The following DHX30 variants were observed in gnomAD, a reference collection of about 807,000 sequenced individuals.
DHX30 encodes the protein DExH-box helicase 30, also known as ATP-dependent RNA helicase DHX30.
DHX30 carries 4 observed loss-of-function variants against 116.9 expected under a neutral mutation model. The ratio of observed to expected loss-of-function variants is 0.03; its 90% confidence interval spans 0.02 to 0.08. The LOEUF (loss-of-function observed/expected upper bound fraction) is 0.08, where lower values mean the gene tolerates loss of function less well. Ranked by LOEUF, DHX30 falls within the 10% of genes least tolerant of loss-of-function variation. The probability of loss-of-function intolerance (pLI) is 1.00; values close to 1 mark genes in which losing one functional copy is unlikely to be tolerated. For synonymous variants in DHX30, 697 were observed against 651.7 expected (o/e 1.07, Z -1.06); for missense variants, 871 against 1,595.1 (o/e 0.55, Z 7.73).
At chr3:47,819,195 C>CTT in intron 4 of DHX30, 3 of 1,205,174 alleles carry the variant, frequency 2.5e-6, no homozygotes, top group Non-Finnish European at 3.4e-6. Flanking sequence ...GTTGATTGCC[C>CTT]TTTTTTTTTT....
Position 47,841,049 on chromosome 3 carries a change from G to A in DHX30, c.539G>A (p.Gly180Asp), listed in dbSNP as rs781494016. The change falls in exon 7 of 22, where the codon GGC becomes GAC. Residue 180 changes from glycine to aspartate, a missense_variant. Gly to Asp is a moderately conservative substitution (Grantham distance 94). Transcript: ENST00000445061. ...PESIRPGGPG[G>D]LSRSLGREEE... ...AGTATTCGACCAGGGGGACCTGGGG[G>A]CCTATCCCGCTCTTTAGGCCGGGAA... The A allele has an allele frequency of 1.2e-6, 2 of 1,614,042 alleles. No homozygotes were observed. Among genetic ancestry groups the A allele is most frequent in the African/African-American group, 2.7e-5 (2 of 74,930 alleles).
At chr3:47,815,723 CAAAAAAAAAAAA>C (rs11349970) in intron 3 of DHX30, among the ~76,000 whole-genome samples, 63 of 20,766 alleles carry the variant, frequency 3.0e-3, no homozygotes, top group Non-Finnish European at 4.5e-3. Context: ...TAAAAAAGAG[CAAAAAAAAAAAA>C]AAAAAAAAAA....
chr3:47,816,603 G>C, intron 3 of DHX30: 1 of 982,898 alleles, frequency 1.0e-6, no homozygotes, highest in Non-Finnish European at 1.2e-6. Flanking sequence ...TGATCCGCTG[G>C]CCTCAGCCTC....
intron 5 of DHX30, among the ~76,000 whole-genome samples, chr3:47,828,085 C>T (rs1173198451): frequency 2.0e-5 from 3 of 151,864 alleles, no homozygotes; most frequent in African/African-American, 7.3e-5. Flanking sequence ...GTCTCAAACC[C>T]CTTGGTTCAA....
At position 47,848,353 on chromosome 3, in the gene DHX30, G is replaced by A. The variant is rs759723696; in HGVS notation, c.2460G>A (p.Val820=). The change falls in exon 15 of 22, where the codon GTG becomes GTA. Residue 820 remains valine, a synonymous_variant. Coordinates refer to ENST00000445061, the MANE Select transcript of DHX30 (RefSeq NM_138615.3). This position sits in a 1 kb window ranked among gnomAD's most constrained non-coding sequence, Gnocchi z 9.4. ...EILRTPLENL[V]LQAKIHMPEK... is the part of the protein sequence containing the mutation. ...TGCGCACACCTCTTGAGAACCTGGTGCTGCAAGCGAAAATCCACATGCCTG... is the reference window on the plus strand; with the variant it reads ...TGCGCACACCTCTTGAGAACCTGGTACTGCAAGCGAAAATCCACATGCCTG... 1 of 1,614,146 alleles carries A rather than the reference G, an allele frequency of 6.2e-7. No homozygotes were observed. The highest frequency in any genetic ancestry group is 8.5e-7 in the Non-Finnish European group (1 of 1,180,034).
intron 9 of DHX30, among the ~76,000 whole-genome samples, chr3:47,844,451 G>A (rs1450356564): frequency 2.0e-5 from 3 of 152,210 alleles, no homozygotes; most frequent in Non-Finnish European, 4.4e-5. Flanking sequence ...GTGGCTGGAG[G>A]GCCATTTGTC....
intron 3 of DHX30, among the ~76,000 whole-genome samples, chr3:47,812,419 G>A (rs1167723323): frequency 3.3e-5 from 5 of 151,040 alleles, no homozygotes; most frequent in African/African-American, 1.2e-4. Flanking sequence ...TTAGCTAGGC[G>A]TGGTGGTGTG....
At chr3:47,849,796 C>G in intron 21 of DHX30, 27 bp downstream of exon 21, 4 of 1,607,954 alleles carry the variant, frequency 2.5e-6, no homozygotes, top group Non-Finnish European at 3.4e-6. Flanking sequence ...CTCCCGCCCA[C>G]CCCGCTCTGC....
intron 6 of DHX30, among the ~76,000 whole-genome samples, chr3:47,830,445 C>T (rs2036790524): frequency 6.6e-6 from 1 of 150,532 alleles, no homozygotes; most frequent in Non-Finnish European, 1.5e-5. Context: ...GAGACTCCGT[C>T]ACAAAAAAAA....
chr3:47,825,030 C>A, intron 4 of DHX30: 1 of 647,780 alleles, frequency 1.5e-6, no homozygotes, highest in Non-Finnish European at 2.8e-6. Flanking sequence ...TCGGGGTCGG[C>A]GGGAGCACGA....
At chr3:47,840,450 T>C (rs1283032242) in intron 6 of DHX30, among the ~76,000 whole-genome samples, 2 of 151,592 alleles carry the variant, frequency 1.3e-5, no homozygotes, top group South Asian at 4.2e-4. Context: ...TTCAAGACCA[T>C]CCTGGGCAAC....
intron 6 of DHX30, among the ~76,000 whole-genome samples, chr3:47,836,503 A>C (rs9867567): frequency 5.3e-5 from 8 of 150,504 alleles, no homozygotes; most frequent in Non-Finnish European, 1.0e-4. Flanking sequence ...TTCCCCATCT[A>C]TGTGTATAGT....
At chr3:47,803,727 AGGGGTG>A (rs1458771583) in intron 1 of DHX30, among the ~76,000 whole-genome samples, 1 of 152,192 alleles carries the variant, frequency 6.6e-6, no homozygotes, top group Non-Finnish European at 1.5e-5. Context: ...GGGGAGGCCA[AGGGGTG>A]AGGTATTCTT....
At chr3:47,835,911 CTG>C (rs1425249358) in intron 6 of DHX30, among the ~76,000 whole-genome samples, 5 of 152,142 alleles carry the variant, frequency 3.3e-5, no homozygotes, top group Non-Finnish European at 7.3e-5. Flanking sequence ...TTGGCAATGT[CTG>C]TAGGGATTTT....
Position 47,845,772 on chromosome 3 carries a change from C to G in DHX30, c.1012C>G (p.Leu338Val). The change falls in exon 10 of 22, where the codon CTG (leucine) becomes GTG (valine). Residue 338 changes from leucine to valine, a missense_variant. By Grantham distance (32) the Leu-to-Val change is conservative. Around this residue, in one of 13 missense-constraint regions of DHX30, gnomAD observed 175 missense variants for 292.9 expected, o/e 0.60. Coordinates refer to ENST00000445061, the MANE Select transcript of DHX30 (RefSeq NM_138615.3). Reference protein sequence around the residue: ...AMYNLASLRELGETQRRPCTI... With the variant: ...AMYNLASLREVGETQRRPCTI... ...GTATAACCTGGCCTCTTTGCGTGAG[C>G]TGGGTGAGACCCAGCGCCGACCATG... 1 of 1,612,700 alleles carries G rather than the reference C, an allele frequency of 6.2e-7. No homozygotes were observed. Among genetic ancestry groups the G allele is most frequent in the Non-Finnish European group, 8.5e-7 (1 of 1,178,796 alleles).
At chr3:47,811,354 G>A (rs1232268818) in intron 3 of DHX30, among the ~76,000 whole-genome samples, 1 of 151,904 alleles carries the variant, frequency 6.6e-6, no homozygotes, top group African/African-American at 2.4e-5. Flanking sequence ...ATCTTCCTCG[G>A]TACCATACCT....
At chr3:47,816,356 C>CTT (rs200180200) in intron 3 of DHX30, 35,041 of 903,862 alleles carry the variant, frequency 0.039, 2,472 homozygotes, top group African/African-American at 0.34. Flanking sequence ...GAGCCGTCTT[C>CTT]TTTTTTTTTT....
At chr3:47,836,879 G>A (rs1239154021) in intron 6 of DHX30, among the ~76,000 whole-genome samples, 1 of 152,140 alleles carries the variant, frequency 6.6e-6, no homozygotes, top group Non-Finnish European at 1.5e-5. Context: ...TGTGGTTATA[G>A]GAGTTGTTTT....
intron 6 of DHX30, among the ~76,000 whole-genome samples, chr3:47,835,872 A>G (rs1459120914): frequency 6.6e-6 from 1 of 152,200 alleles, no homozygotes; most frequent in Admixed American, 6.5e-5. Context: ...CTATGTTGAA[A>G]AAAAGTGCTG....
Sources: allele counts gnomAD v4.1 joint callset (sites outside exome capture counted in the v4.1 genomes callset), GRCh38; gene constraint gnomAD v4.1.1; regional missense constraint gnomAD v4.1.1; non-coding constraint Gnocchi (gnomAD v3.1); transcripts MANE v1.5; gene names NCBI Gene and HGNC (gene_info 2026-07-23, HGNC 2026-07-21).